Variants in BCL9 observed in about 807,000 individuals in gnomAD.
BCL9 encodes B-cell CLL/lymphoma 9 protein.
BCL9 carries 25 observed loss-of-function variants against 88.5 expected under a neutral mutation model. The observed-to-expected ratio is 0.28, with a 90% CI of 0.21 to 0.39. The LOEUF (loss-of-function observed/expected upper bound fraction) is 0.39, where lower values mean the gene tolerates loss of function less well. BCL9 is among the 10% of genes least tolerant of loss of function. The probability of loss-of-function intolerance (pLI) is 1.00; values close to 1 mark genes in which losing one functional copy is unlikely to be tolerated. For synonymous variants in BCL9, 711 were observed against 673.3 expected (o/e 1.06, Z -0.87); for missense variants, 1,817 against 1,877.8 (o/e 0.97, Z 0.60).
chr1:147,565,161 A>G (rs1357646518), intron 1 of BCL9, among the ~76,000 whole-genome samples: 3 of 152,212 alleles, frequency 2.0e-5, no homozygotes, highest in African/African-American at 4.8e-5. Flanking sequence ...TTAATAACCC[A>G]GTGTACTTGC....
At chr1:147,578,050 T>C (rs587738243) in intron 1 of BCL9, among the ~76,000 whole-genome samples, 2 of 152,320 alleles carry the variant, frequency 1.3e-5, no homozygotes, top group African/African-American at 4.8e-5. Flanking sequence ...CTTAATACGA[T>C]TTGAGTTTTC....
At chr1:147,591,773 A>G (rs1353914273) in intron 1 of BCL9, among the ~76,000 whole-genome samples, 1 of 152,038 alleles carries the variant, frequency 6.6e-6, no homozygotes, top group Non-Finnish European at 1.5e-5. Flanking sequence ...TTGGCTTCTG[A>G]TCCTTCACAA....
Position 147,620,791 on chromosome 1 carries a change from C to A in BCL9, c.2636C>A (p.Pro879His). The part of the protein sequence containing the change: ...HQVQSPMLGS[P>H]SGNLKSPQTP... ...GTCCAGTCACCAATGCTGGGCTCGC[C>A]CTCGGGGAACCTCAAGTCCCCCCAG... is the stretch of plus-strand genomic sequence containing the variant. Residue 879 changes from proline to histidine, a missense_variant, in exon 8 of 10, where the codon CCC (proline) becomes CAC (histidine). Coordinates refer to ENST00000234739, the MANE Select transcript of BCL9 (RefSeq NM_004326.4). The A allele has an allele frequency of 6.2e-7, 1 of 1,614,150 alleles. No individual in the cohort carries two copies. The highest frequency in any genetic ancestry group is 8.5e-7 in the Non-Finnish European group (1 of 1,180,034).
At position 147,620,190 on chromosome 1, in the gene BCL9, C is replaced by G. The variant is rs782622698; in HGVS notation, c.2035C>G (p.Arg679Gly). The G allele has an allele frequency of 6.2e-7, 1 of 1,614,034 alleles. No homozygotes were observed. Among genetic ancestry groups the G allele is most frequent in the South Asian group, 1.1e-5 (1 of 91,072 alleles). The change falls in exon 8 of 10, where the codon CGA (arginine) becomes GGA (glycine). Residue 679 changes from arginine to glycine, a missense_variant. By Grantham distance (125) the Arg-to-Gly change is moderately radical (BLOSUM62 -2). Coordinates refer to ENST00000234739, the MANE Select transcript of BCL9 (RefSeq NM_004326.4). ...MEPGNNPIFP[R>G]IPVEGPLSPS... ...GCCTGGGAATAACCCCATTTTCCCT[C>G]GAATACCAGTTGAGGGCCCTCTGAG...
chr1:147,542,341 T>C (rs1654370279), intron 1 of BCL9, among the ~76,000 whole-genome samples: 1 of 152,240 alleles, frequency 6.6e-6, no homozygotes, highest in African/African-American at 2.4e-5. Flanking sequence ...GGGATTCCTC[T>C]GGTCGTAGAG....
chr1:147,615,748 C>T (rs1483476747), intron 6 of BCL9, 55 bp from the exon 7 acceptor site: 4 of 1,421,138 alleles, frequency 2.8e-6, no homozygotes, highest in South Asian at 1.2e-5. Context: ...TTTGGAATTA[C>T]AGTTAGTGAA....
chr1:147,588,154 T>G (rs1407583392), intron 1 of BCL9, among the ~76,000 whole-genome samples: 2 of 152,220 alleles, frequency 1.3e-5, no homozygotes, highest in Non-Finnish European at 2.9e-5. Context: ...CACCTTGATC[T>G]GTTGCCTGGA....
At chr1:147,590,190 A>C (rs952502612) in intron 1 of BCL9, among the ~76,000 whole-genome samples, 1 of 152,168 alleles carries the variant, frequency 6.6e-6, no homozygotes, top group Non-Finnish European at 1.5e-5. Context: ...TACCAGAATG[A>C]GCCACCAGCA....
At chr1:147,597,386 CAGTA>C (rs1336054082) in intron 1 of BCL9, among the ~76,000 whole-genome samples, 10 of 152,284 alleles carry the variant, frequency 6.6e-5, no homozygotes, top group African/African-American at 1.9e-4. Flanking sequence ...AAGCAAATTT[CAGTA>C]AGTGAGAAAA....
chr1:147,611,175 G>C (rs144175152), intron 3 of BCL9, among the ~76,000 whole-genome samples: 1 of 152,288 alleles, frequency 6.6e-6, no homozygotes, highest in African/African-American at 2.4e-5. Context: ...TGAAACACCA[G>C]ATAGTCACTA....
intron 1 of BCL9, among the ~76,000 whole-genome samples, chr1:147,562,969 C>T (rs1331961086): frequency 2.0e-5 from 3 of 151,984 alleles, no homozygotes; most frequent in African/African-American, 7.2e-5. Context: ...TTTGGTTTAG[C>T]TTTAGCCACA....
intron 1 of BCL9, among the ~76,000 whole-genome samples, chr1:147,559,588 G>A (rs1287693220): frequency 3.3e-5 from 5 of 152,156 alleles, no homozygotes; most frequent in African/African-American, 7.2e-5. Flanking sequence ...CTACTCTGTC[G>A]TGGTTGTACC....
chr1:147,587,755 CCTGTGT>C (rs1311044699), intron 1 of BCL9, among the ~76,000 whole-genome samples: 6 of 128,040 alleles, frequency 4.7e-5, no homozygotes, highest in Non-Finnish European at 9.5e-5. Flanking sequence ...TGTAGTGAGG[CCTGTGT>C]GTGTGTGTGT....
At chr1:147,569,473 C>CAAAAAAAAA (rs79619243) in intron 1 of BCL9, among the ~76,000 whole-genome samples, 2 of 124,960 alleles carry the variant, frequency 1.6e-5, no homozygotes, top group African/African-American at 3.1e-5. Context: ...TACTAAAATA[C>CAAAAAAAAA]AAAAAAAAAA....
intron 2 of BCL9, among the ~76,000 whole-genome samples, chr1:147,605,646 C>T (rs1165417092): frequency 6.6e-6 from 1 of 152,230 alleles, no homozygotes; most frequent in Non-Finnish European, 1.5e-5. Flanking sequence ...GTTTTCTCTA[C>T]ATGCCCATTG....
intron 1 of BCL9, among the ~76,000 whole-genome samples, chr1:147,595,462 T>C (rs1449531446): frequency 6.6e-6 from 1 of 152,072 alleles, no homozygotes; most frequent in African/African-American, 2.4e-5. Context: ...AAATAGGTCA[T>C]CTGGAGGGCA....
At chr1:147,607,796 A>G (rs893580514) in intron 3 of BCL9, among the ~76,000 whole-genome samples, 11 of 152,196 alleles carry the variant, frequency 7.2e-5, no homozygotes, top group Admixed American at 7.2e-4. Context: ...GAGGAAGGCT[A>G]TACACAGAAT....
intron 1 of BCL9, among the ~76,000 whole-genome samples, chr1:147,589,585 CTT>C (rs1403431067): frequency 1.3e-5 from 2 of 152,198 alleles, no homozygotes; most frequent in African/African-American, 4.8e-5. Flanking sequence ...AATATGTAGT[CTT>C]TTGCATCTGG....
chr1:147,615,752 TA>T (rs1658243516), intron 6 of BCL9, 50 bp from the exon 7 acceptor site: 3 of 1,448,868 alleles, frequency 2.1e-6, no homozygotes, highest in African/African-American at 1.4e-5. Context: ...GAATTACAGT[TA>T]GTGAAATAGA....
Sources: gnomAD v4.1 joint callset for allele counts (sites outside exome capture counted in the v4.1 genomes callset) on GRCh38, gnomAD v4.1.1 for gene constraint, MANE v1.5 for transcripts, NCBI Gene and HGNC (gene_info 2026-07-23, HGNC 2026-07-21) for gene names.